The following DDX54 variants were observed in gnomAD, a reference collection of about 807,000 sequenced individuals.
The protein encoded by DDX54 is ATP-dependent RNA helicase DDX54.
Under a neutral mutation model 105.5 loss-of-function variants are expected in DDX54, and 67 were observed. The ratio of observed to expected loss-of-function variants is 0.64; its 90% confidence interval spans 0.52 to 0.78. The LOEUF is 0.78. DDX54 is among the 30% of genes least tolerant of loss of function. DDX54 has a pLI of 0.00. For synonymous variants in DDX54, 514 were observed against 509.9 expected (o/e 1.01, Z -0.11); for missense variants, 1,206 against 1,230.5 (o/e 0.98, Z 0.30).
chr12:113,185,440 G>C lies in DDX54; in HGVS notation c.12C>G (p.Asp4Glu). Residue 4 changes from aspartate (D) to glutamate (E), a missense_variant, in exon 1 of 20, where the codon GAC becomes GAG. This residue lies in a region of DDX54 where 212 missense variants were observed against 155.4 expected (regional missense o/e 1.36). Coordinates refer to ENST00000306014, the MANE Select transcript of DDX54 (RefSeq NM_024072.4). The stretch of plus-strand genomic sequence containing the variant: ...ACCGAGGTCCAGCCGCCGGGCCCTT[G>C]TCGGCCGCCATTCGGGCCGCGCGCT... MAA[D>E]KGPAAGPRSR... 3 of 1,509,322 alleles carry C rather than the reference G, an allele frequency of 2.0e-6. No homozygotes were observed. The highest frequency in any genetic ancestry group is 2.6e-6 in the Non-Finnish European group (3 of 1,132,438). The allele number at this position is 1,509,322 out of a possible 1,614,324, so 93.5% of individuals were successfully genotyped here. A position where few individuals can be genotyped will look rare whatever the true frequency, so the allele number is the denominator to read the frequency against.
chr12:113,179,772 C>T (rs1952444655), intron 3 of DDX54, among the ~76,000 whole-genome samples, 163 bp downstream of exon 3: 1 of 152,216 alleles, frequency 6.6e-6, no homozygotes, highest in African/African-American at 2.4e-5. Flanking sequence ...CGGCTCGGCC[C>T]AACCTTCTCC....
rs543218716 is a variant in DDX54 at position 113,174,491 on chromosome 12, A to C, written c.1068+149T>G. On this transcript the variant is annotated intron_variant, in intron 10 of 19. Transcript: ENST00000306014. ...GGCAGAGCGAGGCTCCGTCTCAAAA[A>C]AATAAAAAATAAAAATAAAAATGAC... 150 of 1,258,270 alleles carry C rather than the reference A, an allele frequency of 1.2e-4. 1 individual carries two copies. In the South Asian group the frequency reaches 2.4e-3, roughly 20 times the overall value. The allele number at this position is 1,258,270 out of a possible 1,614,324, so 77.9% of individuals were successfully genotyped here.
At chr12:113,181,706 G>A (rs546933907) in intron 1 of DDX54, among the ~76,000 whole-genome samples, 4 of 143,952 alleles carry the variant, frequency 2.8e-5, no homozygotes, top group African/African-American at 1.0e-4. Flanking sequence ...CCCATCAGCC[G>A]CCAACCAATC....
chr12:113,160,350 G>C (rs185583436), intron 19 of DDX54, among the ~76,000 whole-genome samples: 1 of 152,338 alleles, frequency 6.6e-6, no homozygotes, highest in Non-Finnish European at 1.5e-5. Context: ...CCTCTCCCCA[G>C]GGAAGACTCC....
Position 113,164,221 on chromosome 12 carries a change from T to C in DDX54, c.1784A>G (p.Gln595Arg). The C allele has an allele frequency of 6.3e-7, 1 of 1,589,728 alleles. No homozygotes were observed. Among genetic ancestry groups the C allele is most frequent in the Non-Finnish European group, 8.6e-7 (1 of 1,169,014 alleles). The change falls in exon 15 of 20, where the codon CAG becomes CGG. Residue 595 changes from glutamine (Q) to arginine (R), a missense_variant. Gln to Arg is a conservative substitution (Grantham distance 43). This residue lies in a region of DDX54 where 961 missense variants were observed against 1,019.1 expected (regional missense o/e 0.94). Transcript: ENST00000306014. ...GCGGGCGATGGCCTTGCGGTCCTTC[T>C]GCCGCTTGGCGCGCATCACCTGGCT... The part of the protein sequence containing the change: ...LCSQVMRAKR[Q>R]KDRKAIARFQ...
chr12:113,162,764 C>G (rs1952223663), intron 17 of DDX54, 168 bp downstream of exon 17: 1 of 626,202 alleles, frequency 1.6e-6, no homozygotes, highest in Non-Finnish European at 2.7e-6. Flanking sequence ...CCTGGAGGGG[C>G]AGCTCACTCG....
At chr12:113,167,221 TA>T (rs1358932205) in intron 12 of DDX54, among the ~76,000 whole-genome samples, 1 of 151,470 alleles carries the variant, frequency 6.6e-6, no homozygotes, top group African/African-American at 2.4e-5. Context: ...TACAAAAAAT[TA>T]AAAAATTATC....
At chr12:113,183,489 G>C (rs879655906) in intron 1 of DDX54, among the ~76,000 whole-genome samples, 2 of 152,284 alleles carry the variant, frequency 1.3e-5, no homozygotes, top group South Asian at 2.1e-4. Context: ...CTGCCTTGGA[G>C]TGTGATCCTT....
intron 11 of DDX54, among the ~76,000 whole-genome samples, chr12:113,172,122 G>GTT (rs907414703): frequency 1.4e-5 from 2 of 141,456 alleles, no homozygotes. Context: ...TAATTGGGTT[G>GTT]TTTTTTTTTT....
At chr12:113,170,023 C>A in intron 11 of DDX54, 119 bp from the exon 12 acceptor site, 1 of 1,363,434 alleles carries the variant, frequency 7.3e-7, no homozygotes. Context: ...CACACGGCTG[C>A]TGTCCCCACC....
At position 113,177,059 on chromosome 12, in the gene DDX54, G is replaced by A; in HGVS notation, c.649C>T (p.Pro217Ser). 1 of 1,614,162 alleles carries A rather than the reference G, an allele frequency of 6.2e-7. No individual in the cohort carries two copies. The highest frequency in any genetic ancestry group is 8.5e-7 in the Non-Finnish European group (1 of 1,180,024). Residue 217 changes from proline to serine, a missense_variant, in exon 6 of 20, where the codon CCC becomes TCC. By Grantham distance (74) the Pro-to-Ser change is moderately conservative. Transcript: ENST00000306014. ...EDQFAALHEN[P>S]DIIIATPGRL... is the part of the protein sequence containing the mutation. ...CCCAATCCACAAACTCACATGTCGG[G>A]ATTTTCGTGCAGGGCTGCAAACTGG...
chr12:113,175,374 T>C (rs1952390948), intron 7 of DDX54, among the ~76,000 whole-genome samples: 1 of 152,198 alleles, frequency 6.6e-6, no homozygotes, highest in Non-Finnish European at 1.5e-5. Flanking sequence ...CATGCTGAAA[T>C]AAATGACAGC....
chr12:113,168,756 C>T (rs1434728756), intron 12 of DDX54, among the ~76,000 whole-genome samples: 1 of 152,098 alleles, frequency 6.6e-6, no homozygotes, highest in Non-Finnish European at 1.5e-5. Context: ...CATGGTGAAA[C>T]CCTGTCTCTA....
At chr12:113,176,083 C>T (rs972972299) in intron 7 of DDX54, among the ~76,000 whole-genome samples, 2 of 151,790 alleles carry the variant, frequency 1.3e-5, no homozygotes, top group Non-Finnish European at 2.9e-5. Flanking sequence ...TCTTCTGGTC[C>T]TCACAACACC....
Position 113,165,529 on chromosome 12 carries a change from C to G in DDX54, c.1719+115G>C, listed in dbSNP as rs2136316209. ...GGGGTCCTGCTGGGGGTCAGGAGTG[C>G]AATCTGAGTCCTGGCACCACCGTTG... On this transcript the variant is annotated intron_variant, in intron 14 of 19. Transcript: ENST00000306014. 6.2e-6 allele frequency: 7 copies of G among 1,131,488 alleles called. No individual in the cohort carries two copies. In the South Asian group the frequency reaches 1.1e-4, roughly 17 times the overall value. The allele number at this position is 1,131,488 out of a possible 1,614,324, so 70.1% of individuals were successfully genotyped here.
chr12:113,159,068 C>T lies in DDX54; in HGVS notation c.2455G>A (p.Val819Ile), dbSNP rs867838074. Residue 819 changes from valine (V) to isoleucine (I), a missense_variant, in exon 20 of 20, where the codon GTC (valine) becomes ATC (isoleucine). By Grantham distance (29) the Val-to-Ile change is conservative (BLOSUM62 3). Around this residue, in one of 3 missense-constraint regions of DDX54, gnomAD observed 961 missense variants for 1,019.1 expected, o/e 0.94. Transcript: ENST00000306014. ...TGCTTGGTCTTGAGTTCCGGGCGGA[C>T]TCGGCCTGCAGGGGTGCCTGGGGCG... is the stretch of plus-strand genomic sequence containing the variant. ...PHAPGTPAGRVRPELKTKQQI... is the reference protein window; with the variant it reads ...PHAPGTPAGRIRPELKTKQQI... The T allele has an allele frequency of 2.1e-5, 33 of 1,608,568 alleles. 1 individual carries two copies. In the Middle Eastern group the frequency reaches 4.7e-3, roughly 228 times the overall value.
In DDX54 at chr12:113,181,514, T is replaced by A. The variant is rs565430688; in HGVS notation, c.175-456A>T. On this transcript the variant is annotated intron_variant, in intron 1 of 19. Transcript: ENST00000306014. ...TTTGTAGAGATGAGGTCTTACTGCA[T>A]TGCCCAGGCTAGTCTTGAATTCCTG... Among the ~76,000 whole-genome samples, 11 of 151,912 alleles carry A rather than the reference T, an allele frequency of 7.2e-5. No individual in the cohort carries two copies. In the East Asian group the frequency reaches 2.1e-3, roughly 29 times the overall value.
chr12:113,164,137 G>C lies in DDX54; in HGVS notation c.1868C>G (p.Pro623Arg), dbSNP rs564452233. Residue 623 changes from proline to arginine, a missense_variant, in exon 15 of 20, where the codon CCG becomes CGG. Around this residue, in one of 3 missense-constraint regions of DDX54, gnomAD observed 961 missense variants for 1,019.1 expected, o/e 0.94. Coordinates refer to ENST00000306014, the MANE Select transcript of DDX54 (RefSeq NM_024072.4). ...EQQEGPVGPA[P>R]SRPALQEKQP... ...CTTCTCCTGCAGTGCTGGGCGGCTC[G>C]GGGCTGGGCCCACTGGGCCCTCCTG... The C allele has an allele frequency of 6.4e-7, 1 of 1,553,012 alleles. No individual in the cohort carries two copies. The highest frequency in any genetic ancestry group is 8.7e-7 in the Non-Finnish European group (1 of 1,148,940).
chr12:113,175,248 G>A (rs1952390043), intron 7 of DDX54, 91 bp from the exon 8 acceptor site: 29 of 1,482,710 alleles, frequency 2.0e-5, no homozygotes, highest in Non-Finnish European at 2.4e-5. Flanking sequence ...AACTTCTGCA[G>A]TGTCCCAGGG....
Sources: gnomAD v4.1 joint callset for allele counts (sites outside exome capture counted in the v4.1 genomes callset) on GRCh38, gnomAD v4.1.1 for gene constraint, gnomAD v4.1.1 regional missense constraint, MANE v1.5 for transcripts, NCBI Gene and HGNC (gene_info 2026-07-23, HGNC 2026-07-21) for gene names.